SCPEP1: variants seen among roughly 807,000 people sequenced by gnomAD.
The protein encoded by SCPEP1 is retinoid-inducible serine carboxypeptidase.
A neutral mutation model predicts 63.8 loss-of-function variants in SCPEP1; 51 were observed. The observed-to-expected ratio is 0.80, with a 90% CI of 0.64 to 1.01. SCPEP1 has a LOEUF of 1.01. SCPEP1 is among the 50% of genes least tolerant of loss of function. SCPEP1 has a pLI of 0.00. For missense variants in SCPEP1, 499 were observed against 554.9 expected (o/e 0.90, Z 1.01); for synonymous variants, 204 against 207.8 (o/e 0.98, Z 0.16).
rs187499605 is a variant in SCPEP1, at chr17:57,006,445, A to C, written c.*210A>C. 2.6e-5 allele frequency: 10 copies of C among 378,776 alleles called. No individual in the cohort carries two copies. The East Asian group carries it at 4.0e-4, about 15-fold the overall frequency. 23.5% of individuals were successfully genotyped at this position (378,776 alleles called of 1,614,324 possible). ...TTCTTAAAAAAACCTAAGATTTTTT[A>C]AAAAATTGATTTGTTTTGATCAAAA... On this transcript the variant is annotated 3_prime_UTR_variant, in exon 13 of 13. Transcript: ENST00000262288.
intron 5 of SCPEP1, among the ~76,000 whole-genome samples, chr17:56,988,569 A>T (rs192022452): frequency 3.3e-5 from 5 of 152,162 alleles, no homozygotes; most frequent in African/African-American, 1.2e-4. Flanking sequence ...ATCCAGAAAC[A>T]CACACACATA....
At chr17:56,997,283 A>G (rs925385084) in intron 9 of SCPEP1, 3 of 397,814 alleles carry the variant, frequency 7.5e-6, no homozygotes, top group African/African-American at 4.1e-5. Flanking sequence ...GCTTGCAGAC[A>G]GTTCTCATTC....
At chr17:56,999,495 A>G (rs561319851) in intron 10 of SCPEP1, among the ~76,000 whole-genome samples, 22 of 152,268 alleles carry the variant, frequency 1.4e-4, no homozygotes, top group African/African-American at 5.1e-4. Flanking sequence ...AGATACCCCA[A>G]GGATATGGGG....
At chr17:56,997,757 T>A (rs1191639487) in intron 9 of SCPEP1, among the ~76,000 whole-genome samples, 2 of 152,034 alleles carry the variant, frequency 1.3e-5, no homozygotes, top group African/African-American at 4.8e-5. Context: ...CAAATCTATT[T>A]TTTCCCTTTT....
chr17:57,006,095 A>C, intron 12 of SCPEP1, 78 bp from the exon 13 acceptor site: 1 of 1,183,610 alleles, frequency 8.4e-7, no homozygotes, highest in South Asian at 1.5e-5. Flanking sequence ...TTTGGGAGCA[A>C]GGTTTCAGGA....
At chr17:56,986,528 C>A (rs1023062112) in intron 3 of SCPEP1, among the ~76,000 whole-genome samples, 1 of 145,776 alleles carries the variant, frequency 6.9e-6, no homozygotes, top group Non-Finnish European at 1.5e-5. Context: ...ACTTTCTGGT[C>A]TTTCTTTGTT....
chr17:56,995,827 C>T (rs1044609426), intron 8 of SCPEP1, 192 bp downstream of exon 8: 3 of 399,428 alleles, frequency 7.5e-6, no homozygotes, highest in Non-Finnish European at 1.3e-5. Flanking sequence ...CAGAAAGCCA[C>T]CCAGGCCTGC....
chr17:56,999,981 TAAA>T (rs761068231), intron 10 of SCPEP1, among the ~76,000 whole-genome samples: 3 of 103,830 alleles, frequency 2.9e-5, no homozygotes, highest in African/African-American at 3.6e-5. Context: ...AAACTCTGTC[TAAA>T]AAAAAAAAAA....
chr17:56,994,869 C>G, intron 6 of SCPEP1, 112 bp from the exon 7 acceptor site: 1 of 939,302 alleles, frequency 1.1e-6, no homozygotes, highest in Non-Finnish European at 1.7e-6. Flanking sequence ...AATCCAAAGC[C>G]ACCGGGTTTC....
chr17:56,996,972 G>A lies in SCPEP1; in HGVS notation c.797G>A (p.Gly266Glu). 6.2e-7 allele frequency: 1 copy of A among 1,602,304 alleles called. No individual in the cohort carries two copies. Among genetic ancestry groups the A allele is most frequent in the Non-Finnish European group, 8.5e-7 (1 of 1,175,330 alleles). The change falls in exon 9 of 13, where the codon GGG becomes GAG. Residue 266 changes from glycine to glutamate, a missense_variant. Transcript: ENST00000262288. ...ACTTTTATATTTCAGAACACAGATG[G>A]GGTGAACTTCTATAACATCTTAACT... ...AEMIIEQNTD[G>E]VNFYNILTKS...
chr17:56,993,404 G>T (rs113936331), intron 6 of SCPEP1, among the ~76,000 whole-genome samples: 2 of 152,104 alleles, frequency 1.3e-5, no homozygotes, highest in East Asian at 3.9e-4. Context: ...AGTCTGCCCT[G>T]CCGCCTGCTC....
intron 3 of SCPEP1, 167 bp from the exon 4 acceptor site, chr17:56,987,528 A>G (rs1024282753): frequency 4.1e-6 from 2 of 490,454 alleles, no homozygotes; most frequent in Middle Eastern, 6.0e-4. Flanking sequence ...TTTTTTTTCT[A>G]TGTTCCTGTC....
intron 6 of SCPEP1, 143 bp downstream of exon 6, chr17:56,991,314 T>C (rs1369797355): frequency 1.4e-6 from 1 of 722,130 alleles, no homozygotes; most frequent in Non-Finnish European, 2.5e-6. Context: ...ATCCAAGAAA[T>C]ATAGAGACAG....
chr17:56,998,463 A>G lies in SCPEP1; in HGVS notation c.959A>G (p.Lys320Arg), dbSNP rs749827070. 1.2e-6 allele frequency: 2 copies of G among 1,614,082 alleles called. No homozygotes were observed. The highest frequency in any genetic ancestry group is 1.7e-6 in the Non-Finnish European group (2 of 1,179,958). The change falls in exon 10 of 13, where the codon AAG (lysine) becomes AGG (arginine). Residue 320 changes from lysine to arginine, a missense_variant. Coordinates refer to ENST00000262288, the MANE Select transcript of SCPEP1 (RefSeq NM_021626.3). ...CTCATGAATGGCCCCATCAGAAAGA[A>G]GCTCAAAATTATTCCTGAGGATCAA... ...SQLMNGPIRK[K>R]LKIIPEDQSW...
At chr17:56,994,858 C>CA in intron 6 of SCPEP1, 123 bp from the exon 7 acceptor site, 1 of 829,382 alleles carries the variant, frequency 1.2e-6, no homozygotes, top group Non-Finnish European at 2.0e-6. Context: ...AGGAGCCTTC[C>CA]AATCCAAAGC....
At chr17:56,986,133 G>A (rs773232769) in intron 3 of SCPEP1, among the ~76,000 whole-genome samples, 7 of 151,964 alleles carry the variant, frequency 4.6e-5, no homozygotes, top group Admixed American at 2.6e-4. Flanking sequence ...CCACTCTCCC[G>A]GCTGCACCTA....
intron 1 of SCPEP1, 37 bp downstream of exon 1, chr17:56,978,272 T>C (rs1273084752): frequency 1.3e-6 from 2 of 1,505,632 alleles, no homozygotes; most frequent in South Asian, 2.4e-5. Context: ...CTGCCATGCC[T>C]CTTTTTTCTC....
chr17:56,988,386 G>A (rs912457386), intron 5 of SCPEP1, 96 bp downstream of exon 5: 18 of 883,260 alleles, frequency 2.0e-5, no homozygotes, highest in Middle Eastern at 2.8e-4. Context: ...TTTGAATAGG[G>A]CCATGTACAT....
chr17:57,000,717 C>T lies in SCPEP1; in HGVS notation c.995-138C>T, dbSNP rs376156427. 835 of 958,772 alleles carry T rather than the reference C, an allele frequency of 8.7e-4. 15 individuals carry two copies. In the South Asian group the frequency reaches 0.012, roughly 14 times the overall value. 59.4% of individuals were successfully genotyped at this position (958,772 alleles called of 1,614,324 possible). ...TGACCAGTCGGCACAAATTTCTGGG[C>T]TGGTTCATCCCTGTTTGTGAAGCAT... On this transcript the variant is annotated intron_variant, in intron 10 of 12. Transcript: ENST00000262288.
Sources: allele counts gnomAD v4.1 joint callset (sites outside exome capture counted in the v4.1 genomes callset), GRCh38; gene constraint gnomAD v4.1.1; transcripts MANE v1.5; gene names NCBI Gene and HGNC (gene_info 2026-07-23, HGNC 2026-07-21).